Variants in NRXN1 observed in about 807,000 individuals in gnomAD.
NRXN1 encodes neurexin 1.
Under a neutral mutation model 150.9 loss-of-function variants are expected in NRXN1, and 39 were observed. The ratio of observed to expected loss-of-function variants is 0.26; its 90% CI spans 0.20 to 0.34. NRXN1 has a LOEUF of 0.34. NRXN1 is among the 10% of genes least tolerant of loss of function. The pLI is 1.00. For missense variants in NRXN1, 1,815 were observed against 1,949.9 expected (o/e 0.93, Z 1.30); for synonymous variants, 924 against 757.0 (o/e 1.22, Z -3.62).
chr2:50,588,620 T>C (rs964603787), intron 8 of NRXN1: 1 of 152,208 alleles, frequency 6.6e-6, no homozygotes, highest in Non-Finnish European at 1.5e-5. Flanking sequence ...GGAGTTTACC[T>C]AGTTACCTAT....
At chr2:50,125,049 A>G (rs1441169847) in intron 18 of NRXN1, among the ~76,000 whole-genome samples, 1 of 152,278 alleles carries the variant, frequency 6.6e-6, no homozygotes, top group South Asian at 2.1e-4. Flanking sequence ...ACATGTACGT[A>G]CATGAGTAAC....
At chr2:50,928,830 T>G (rs1444245260) in intron 2 of NRXN1, among the ~76,000 whole-genome samples, 4 of 152,104 alleles carry the variant, frequency 2.6e-5, no homozygotes, top group Non-Finnish European at 5.9e-5. Flanking sequence ...TTCTTAATTC[T>G]GCTGACCTAA....
At chr2:50,464,502 G>T (rs1293252520) in intron 17 of NRXN1, 1 of 151,900 alleles carries the variant, frequency 6.6e-6, no homozygotes, top group African/African-American at 2.4e-5. Context: ...AGGTCAAAAT[G>T]AACAAGCTCT....
intron 5 of NRXN1, among the ~76,000 whole-genome samples, chr2:50,827,703 T>A (rs1670657337): frequency 6.6e-6 from 1 of 152,060 alleles, no homozygotes; most frequent in African/African-American, 2.4e-5. Context: ...GGTCAGCAGA[T>A]AAACAAGTGA....
chr2:50,585,693 G>A (rs1039696829), intron 8 of NRXN1, among the ~76,000 whole-genome samples: 6 of 152,166 alleles, frequency 3.9e-5, no homozygotes, highest in Non-Finnish European at 8.8e-5. Context: ...TAAGCACACA[G>A]AAATTTCTAC....
chr2:50,989,723 T>C (rs1698259527), intron 2 of NRXN1, among the ~76,000 whole-genome samples: 1 of 152,056 alleles, frequency 6.6e-6, no homozygotes, highest in African/African-American at 2.4e-5. Flanking sequence ...GGGTGGTTTC[T>C]AAAATTTATC....
At chr2:50,220,182 G>A (rs1468718813) in intron 18 of NRXN1, among the ~76,000 whole-genome samples, 1 of 150,152 alleles carries the variant, frequency 6.7e-6, no homozygotes. Context: ...CATTACCAAA[G>A]AGAGAGGTTT....
At chr2:50,460,471 T>C (rs2088054939) in intron 17 of NRXN1, among the ~76,000 whole-genome samples, 2 of 152,178 alleles carry the variant, frequency 1.3e-5, no homozygotes, top group East Asian at 1.9e-4. Context: ...TTGTTGTTTT[T>C]CTCCCCACCT....
chr2:50,784,218 C>T (rs920121787), intron 5 of NRXN1, among the ~76,000 whole-genome samples: 2 of 152,036 alleles, frequency 1.3e-5, no homozygotes, highest in Non-Finnish European at 2.9e-5. Context: ...TAAAATATAT[C>T]ATAAATGAAT....
chr2:50,167,565 A>C (rs1178432790), intron 18 of NRXN1, among the ~76,000 whole-genome samples: 3 of 151,550 alleles, frequency 2.0e-5, no homozygotes, highest in Non-Finnish European at 2.9e-5. Flanking sequence ...AAAAAAAAAA[A>C]CAACCTGATT....
chr2:51,025,964 C>T (rs549098361), intron 2 of NRXN1, among the ~76,000 whole-genome samples: 1 of 152,290 alleles, frequency 6.6e-6, no homozygotes, highest in East Asian at 1.9e-4. Flanking sequence ...TTCTTCCCCT[C>T]CTCCTAATCC....
At chr2:50,031,213 T>G (rs1364980508) in intron 21 of NRXN1, among the ~76,000 whole-genome samples, 1 of 152,060 alleles carries the variant, frequency 6.6e-6, no homozygotes, top group Non-Finnish European at 1.5e-5. Flanking sequence ...ATTTTATGAA[T>G]CAATGTAAAG....
chr2:50,151,636 G>T (rs1004732873), intron 18 of NRXN1, among the ~76,000 whole-genome samples: 7 of 151,792 alleles, frequency 4.6e-5, no homozygotes, highest in African/African-American at 1.7e-4. Context: ...ATATGGGATA[G>T]AAACAGAAAG....
chr2:50,009,928 G>T lies in NRXN1; in HGVS notation c.4128+43343C>A, dbSNP rs187820515. Among the ~76,000 whole-genome samples the T allele has an allele frequency of 5.7e-4, 87 of 152,118 alleles. 1 individual carries two copies. In the East Asian group the frequency reaches 0.015, roughly 27 times the overall value. On this transcript the variant is annotated intron_variant, in intron 21 of 22. Transcript: ENST00000401669. Reference sequence around the variant, plus strand: ...AATCACTGTTCTTTCTAAGATAGTAGGAGCTCTGAGGCATAATCTAGGTTT... The same window carrying T: ...AATCACTGTTCTTTCTAAGATAGTATGAGCTCTGAGGCATAATCTAGGTTT...
intron 19 of NRXN1, among the ~76,000 whole-genome samples, chr2:50,057,873 C>A (rs1343545175): frequency 1.3e-5 from 2 of 152,126 alleles, no homozygotes; most frequent in Non-Finnish European, 2.9e-5. Context: ...TGAATTGTCA[C>A]TGATTTGAAC....
chr2:50,462,815 G>T lies in NRXN1; in HGVS notation c.3364+2627C>A, dbSNP rs563699892. Among the ~76,000 whole-genome samples, 41 of 151,782 alleles carry T rather than the reference G, an allele frequency of 2.7e-4. No homozygotes were observed. In the East Asian group the frequency reaches 3.1e-3, roughly 12 times the overall value. On this transcript the variant is annotated intron_variant, in intron 17 of 22. Coordinates refer to ENST00000401669, the MANE Select transcript of NRXN1 (RefSeq NM_001330078.2). ...TACAAAGTATTCCCATCTTCCCATT[G>T]TTAATTATATCTCCAGGCTAATATA...
chr2:51,015,622 TAG>T (rs1668545728), intron 2 of NRXN1, among the ~76,000 whole-genome samples: 1 of 151,826 alleles, frequency 6.6e-6, no homozygotes, highest in Non-Finnish European at 1.5e-5. Flanking sequence ...AATCAATATA[TAG>T]AGTCATAGAA....
intron 8 of NRXN1, among the ~76,000 whole-genome samples, chr2:50,570,511 G>C (rs955057217): frequency 6.6e-6 from 1 of 152,116 alleles, no homozygotes; most frequent in Non-Finnish European, 1.5e-5. Context: ...TGTGAATTTA[G>C]AGGTGTTTTC....
At chr2:51,017,650 A>G (rs954649325) in intron 2 of NRXN1, among the ~76,000 whole-genome samples, 2 of 151,214 alleles carry the variant, frequency 1.3e-5, no homozygotes, top group African/African-American at 4.9e-5. Context: ...GAAAGTTGGC[A>G]GAACTTTTTA....
Sources: allele counts gnomAD v4.1 joint callset (sites outside exome capture counted in the v4.1 genomes callset), GRCh38; gene constraint gnomAD v4.1.1; transcripts MANE v1.5; gene names NCBI Gene and HGNC (gene_info 2026-07-23, HGNC 2026-07-21).